Variants in HAUS1 observed in about 807,000 individuals in gnomAD.
HAUS1 encodes HAUS augmin like complex subunit 1, also known as HAUS augmin-like complex subunit 1.
HAUS1 carries 25 observed loss-of-function variants against 38.6 expected under a neutral mutation model. That is an observed-to-expected ratio of 0.65 (90% CI 0.47 to 0.91). The LOEUF is 0.91. Among genes scored for constraint, HAUS1 ranks in the 40% least tolerant of loss-of-function variants. The pLI, the probability that HAUS1 is intolerant of heterozygous loss-of-function variation, is 0.00. For synonymous variants in HAUS1, 109 were observed against 112.9 expected, an observed-to-expected ratio of 0.97 and a Z score of 0.22; for missense variants, 325 against 328.4, an observed-to-expected ratio of 0.99 and a Z score of 0.08.
At chr18:46,105,432 A>G (rs1911437213) in intron 2 of HAUS1, 64 bp downstream of exon 2, 1 of 1,365,696 alleles carries the variant, frequency 7.3e-7, no homozygotes, top group African/African-American at 1.4e-5. Context: ...ATAACACTAA[A>G]GTATACAGGA....
At position 46,122,429 on chromosome 18, in the gene HAUS1, G is replaced by C. The variant is rs761500547; in HGVS notation, c.477-38G>C. On this transcript the variant is annotated intron_variant, in intron 4 of 8. Coordinates refer to ENST00000282058, the MANE Select transcript of HAUS1 (RefSeq NM_138443.4). ...TATTGTACAATACTTTTACTGAGAA[G>C]AAGAAGAAGAAAATGTTTTTAATTT... 2.8e-5 allele frequency: 45 copies of C among 1,599,342 alleles called. 1 individual carries two copies. The highest frequency in any genetic ancestry group is 3.2e-5 in the Non-Finnish European group (37 of 1,168,964).
chr18:46,122,317 A>C (rs1468710556), intron 4 of HAUS1, 150 bp from the exon 5 acceptor site: 4 of 683,166 alleles, frequency 5.9e-6, no homozygotes, highest in Non-Finnish European at 7.3e-6. Flanking sequence ...AAAAAAAAAA[A>C]AACCCAGAGT....
chr18:46,105,824 G>A (rs147210080), intron 2 of HAUS1, among the ~76,000 whole-genome samples: 127 of 152,014 alleles, frequency 8.4e-4, no homozygotes, highest in African/African-American at 2.4e-3. Context: ...CAGGTGATCC[G>A]CCTGCCTCAG....
rs1911426028 is a variant in HAUS1 at position 46,105,207 on chromosome 18, T to G, written c.44T>G (p.Leu15Ter). 1.2e-6 allele frequency: 2 copies of G among 1,605,030 alleles called. No homozygotes were observed. The highest frequency in any genetic ancestry group is 1.7e-6 in the Non-Finnish European group (2 of 1,175,130). ...TTTAATGGTTAGGTTGCTGCGTGGT[T>G]AAAAAAAATATTTGGAGATCATCCT... Reference protein sequence around the residue: ...EERETQVAAWLKKIFGDHPIP... With the variant: ...EERETQVAAW Residue 15 changes from leucine to a stop codon, truncating the protein, a stop_gained, in exon 2 of 9, where the codon TTA becomes TGA. Coordinates refer to ENST00000282058, the MANE Select transcript of HAUS1 (RefSeq NM_138443.4). LOFTEE classifies it high-confidence loss of function.
intron 2 of HAUS1, among the ~76,000 whole-genome samples, chr18:46,106,430 CTGCACTCCAGCCTGGG>C (rs1184118599): frequency 6.6e-6 from 1 of 150,964 alleles, no homozygotes; most frequent in Non-Finnish European, 1.5e-5. Context: ...GATCGCACCA[CTGCACTCCAGCCTGGG>C]CGACAGAGCA....
At chr18:46,105,098 G>A in intron 1 of HAUS1, 96 bp from the exon 2 acceptor site, 1 of 799,712 alleles carries the variant, frequency 1.3e-6, no homozygotes, top group East Asian at 2.8e-5. Context: ...GTCACAGAAA[G>A]CATTTAGTTT....
chr18:46,109,600 G>A (rs1464044628), intron 2 of HAUS1: 27 of 151,854 alleles, frequency 1.8e-4, no homozygotes, highest in Admixed American at 1.7e-3. Context: ...TCTCTTGTTG[G>A]GTGGAGTATT....
At chr18:46,117,524 G>C (rs1043867572) in intron 2 of HAUS1, among the ~76,000 whole-genome samples, 1 of 152,132 alleles carries the variant, frequency 6.6e-6, no homozygotes, top group Non-Finnish European at 1.5e-5. Flanking sequence ...TGGGTTGGTA[G>C]ATTAGGAAGT....
intron 2 of HAUS1, among the ~76,000 whole-genome samples, chr18:46,107,805 C>T (rs1169051273): frequency 6.6e-6 from 1 of 152,128 alleles, no homozygotes; most frequent in Non-Finnish European, 1.5e-5. Flanking sequence ...GAGATTGGAA[C>T]TTTTGGAAAT....
At chr18:46,127,414 A>C (rs1912138000) in intron 8 of HAUS1, among the ~76,000 whole-genome samples, 1 of 151,952 alleles carries the variant, frequency 6.6e-6, no homozygotes, top group African/African-American at 2.4e-5. Flanking sequence ...TGGCAATGAA[A>C]ATGGAAAAGA....
In HAUS1 at chr18:46,104,450, G is replaced by A. The variant is rs1376769909; in HGVS notation, c.30+9G>A. 1.0e-5 allele frequency: 15 copies of A among 1,466,032 alleles called. No individual in the cohort carries two copies. In the South Asian group the frequency reaches 2.1e-4, roughly 20 times the overall value. The allele number at this position is 1,466,032 out of a possible 1,614,324, so 90.8% of individuals were successfully genotyped here. On this transcript the variant is annotated intron_variant, in intron 1 of 8. Transcript: ENST00000282058. ...AGGAGAGAGAAACGCAGGTGATGGG[G>A]CGGGAATGGGGATCGTTGGCCTCCT...
At chr18:46,108,125 A>G (rs1412282645) in intron 2 of HAUS1, among the ~76,000 whole-genome samples, 1 of 152,148 alleles carries the variant, frequency 6.6e-6, no homozygotes, top group African/African-American at 2.4e-5. Context: ...AGAACCTCCA[A>G]TATGATGTTG....
intron 2 of HAUS1, among the ~76,000 whole-genome samples, chr18:46,109,407 A>G (rs1911561374): frequency 6.6e-6 from 1 of 152,164 alleles, no homozygotes; most frequent in Admixed American, 6.6e-5. Flanking sequence ...AAACTATATC[A>G]CACATATTTG....
At chr18:46,127,724 A>T (rs1034481525) in intron 8 of HAUS1, among the ~76,000 whole-genome samples, 1 of 150,328 alleles carries the variant, frequency 6.7e-6, no homozygotes, top group South Asian at 2.1e-4. Flanking sequence ...AAAAAAAAAA[A>T]CACAGAAAAG....
At chr18:46,113,305 G>A (rs1193567532) in intron 2 of HAUS1, among the ~76,000 whole-genome samples, 3 of 151,830 alleles carry the variant, frequency 2.0e-5, no homozygotes, top group Non-Finnish European at 2.9e-5. Flanking sequence ...TCAAACTCCT[G>A]ACCTCAAGTG....
intron 3 of HAUS1, 133 bp from the exon 4 acceptor site, chr18:46,119,793 A>T (rs975228989): frequency 1.5e-6 from 1 of 684,556 alleles, no homozygotes; most frequent in African/African-American, 1.9e-5. Context: ...AACAGTGTGT[A>T]AAAAAAGGCA....
At chr18:46,112,924 GTATA>G (rs1491115618) in intron 2 of HAUS1, among the ~76,000 whole-genome samples, 1 of 106,380 alleles carries the variant, frequency 9.4e-6, no homozygotes. Flanking sequence ...TATATAATGT[GTATA>G]TATTCCATAT....
chr18:46,123,444 G>A (rs1422146466), intron 6 of HAUS1, 80 bp downstream of exon 6: 12 of 981,524 alleles, frequency 1.2e-5, no homozygotes, highest in Admixed American at 4.0e-5. Flanking sequence ...CTTTTTATTC[G>A]GCTTTTATTC....
At chr18:46,117,521 GTAGA>G (rs1439512674) in intron 2 of HAUS1, among the ~76,000 whole-genome samples, 3 of 152,128 alleles carry the variant, frequency 2.0e-5, no homozygotes, top group Non-Finnish European at 4.4e-5. Flanking sequence ...TCATGGGTTG[GTAGA>G]TTAGGAAGTG....
Sources: allele counts gnomAD v4.1 joint callset (sites outside exome capture counted in the v4.1 genomes callset), GRCh38; gene constraint gnomAD v4.1.1; transcripts MANE v1.5; gene names NCBI Gene and HGNC (gene_info 2026-07-23, HGNC 2026-07-21).